MAMLD1: variants seen among roughly 807,000 people sequenced by gnomAD.
The protein encoded by MAMLD1 is mastermind-like domain-containing protein 1.
In MAMLD1, 14 loss-of-function variants were observed where a neutral mutation model predicts 45.0. That is an observed-to-expected ratio of 0.31 (90% CI 0.21 to 0.49). The LOEUF is 0.49. MAMLD1 is among the 20% of genes least tolerant of loss of function. The pLI is 0.99. For missense variants in MAMLD1, 543 were observed against 603.6 expected, an observed-to-expected ratio of 0.90 and a Z score of 1.05; for synonymous variants, 254 against 247.8, an observed-to-expected ratio of 1.02 and a Z score of -0.24.
In MAMLD1 at chrX:150,469,635, G is replaced by GTC. The variant is rs781945210; in HGVS notation, c.172-90_172-89dup. On this transcript the variant is annotated intron_variant, in intron 3 of 7. Transcript: ENST00000370401. The stretch of plus-strand genomic sequence containing the variant: ...TCTCTCTCTCTCTCTCTTTCTCTCT[G>GTC]TCTCTCTCTCTCTCTCTCTCTGTGT... 5.2e-3 allele frequency: 1,888 copies of GTC among 360,870 alleles called. 5 individuals are homozygous for GTC. The highest frequency in any genetic ancestry group is 6.9e-3 in the Middle Eastern group (9 of 1,302). 29.7% of individuals were successfully genotyped at this position (360,870 alleles called of 1,213,427 possible). A position where few individuals can be genotyped will look rare whatever the true frequency, so the allele number is the denominator to read the frequency against.
At position 150,371,697 on chromosome X, in the gene MAMLD1, G is replaced by C. The variant is rs149452604; in HGVS notation, c.-64+8167G>C. 7.9e-4 allele frequency among the ~76,000 whole-genome samples: 89 copies of C among 112,130 alleles called. 6 individuals are homozygous for C. The East Asian group carries it at 0.023, about 29-fold the overall frequency. ...TGCATTTCTATTTTTTCCTGCATTT[G>C]AATCCGAAATTCCACTCTCAGCTTC... On this transcript the variant is annotated intron_variant, in intron 1 of 7. Coordinates refer to ENST00000370401, the MANE Select transcript of MAMLD1 (RefSeq NM_005491.5).
Position 150,512,415 on chromosome X carries a change from C to T in MAMLD1, c.*456C>T. 1 of 1,154,017 alleles carries T rather than the reference C, an allele frequency of 8.7e-7. No individual in the cohort carries two copies. Among genetic ancestry groups the T allele is most frequent in the South Asian group, 1.9e-5 (1 of 52,443 alleles). ...ATGCCCACTGCGTTCAACAATGCTG[C>T]ATGGGTCACAGCGGCAGCAGCTGTG... On this transcript the variant is annotated 3_prime_UTR_variant, in exon 8 of 8. Transcript: ENST00000370401.
intron 2 of MAMLD1, 27 bp downstream of exon 2, chrX:150,445,639 G>C (rs2035462965): frequency 9.3e-7 from 1 of 1,077,783 alleles, no homozygotes; most frequent in Non-Finnish European, 1.3e-6. Context: ...TGGGGGGAGG[G>C]GGGTATTTAA....
At position 150,374,775 on chromosome X, in the gene MAMLD1, T is replaced by C. The variant is rs147375673; in HGVS notation, c.-64+11245T>C. Among the ~76,000 whole-genome samples, 536 of 111,713 alleles carry C rather than the reference T, an allele frequency of 4.8e-3. 1 individual carries two copies. Among genetic ancestry groups the C allele is most frequent in the Middle Eastern group, 9.2e-3 (2 of 217 alleles). On this transcript the variant is annotated intron_variant, in intron 1 of 7. Coordinates refer to ENST00000370401, the MANE Select transcript of MAMLD1 (RefSeq NM_005491.5). The stretch of plus-strand genomic sequence containing the variant: ...TCCAGTGCCTTGAGGAGGTTCCACA[T>C]TTGCCTGCTGCAGAAGTGAGAAAAT...
intron 3 of MAMLD1, among the ~76,000 whole-genome samples, chrX:150,467,764 C>T (rs2036269916): frequency 8.9e-6 from 1 of 111,947 alleles, no homozygotes; most frequent in Admixed American, 9.4e-5. Flanking sequence ...CCTTGTTGCC[C>T]TCTGGCTGAG....
intron 1 of MAMLD1, among the ~76,000 whole-genome samples, chrX:150,366,768 C>G (rs2031489279): frequency 9.0e-6 from 1 of 111,259 alleles, no homozygotes; most frequent in African/African-American, 3.3e-5. Flanking sequence ...TCTCCCGGTG[C>G]CTGCCTGCGA....
chrX:150,403,122 C>T (rs1329075056), intron 1 of MAMLD1, among the ~76,000 whole-genome samples: 2 of 111,173 alleles, frequency 1.8e-5, no homozygotes, highest in Non-Finnish European at 3.8e-5. Flanking sequence ...GATTCAGCCC[C>T]CAAAGGAAAT....
chrX:150,416,848 A>C (rs888979102), intron 1 of MAMLD1, among the ~76,000 whole-genome samples: 22 of 112,184 alleles, frequency 2.0e-4, no homozygotes, highest in Non-Finnish European at 3.6e-4. Flanking sequence ...CATTTTCTTC[A>C]CATGAGATGG....
At chrX:150,409,042 G>A (rs936233128) in intron 1 of MAMLD1, among the ~76,000 whole-genome samples, 2 of 111,682 alleles carry the variant, frequency 1.8e-5, no homozygotes, top group South Asian at 3.8e-4. Flanking sequence ...CCTCTTCTGC[G>A]GGGCTGCTAT....
chrX:150,391,291 A>G (rs2033166943), intron 1 of MAMLD1, among the ~76,000 whole-genome samples: 2 of 111,760 alleles, frequency 1.8e-5, no homozygotes, highest in Admixed American at 9.5e-5. Flanking sequence ...TGGGTTTCCA[A>G]TGATAGAAAC....
intron 1 of MAMLD1, among the ~76,000 whole-genome samples, chrX:150,394,930 T>A (rs944331180): frequency 8.9e-6 from 1 of 111,840 alleles, no homozygotes; most frequent in Non-Finnish European, 1.9e-5. Context: ...TTTTGTTTCC[T>A]TTTTTTGTCT....
At chrX:150,426,329 T>C (rs1460364149) in intron 1 of MAMLD1, among the ~76,000 whole-genome samples, 2 of 112,431 alleles carry the variant, frequency 1.8e-5, no homozygotes, top group Admixed American at 1.9e-4. Context: ...AGTCTATTGC[T>C]GGTGCAGCAT....
At chrX:150,368,338 G>T (rs1192029848) in intron 1 of MAMLD1, among the ~76,000 whole-genome samples, 1 of 111,306 alleles carries the variant, frequency 9.0e-6, no homozygotes, top group African/African-American at 3.3e-5. Flanking sequence ...TCATGTGTCT[G>T]CTGGCTGCGT....
At position 150,513,168 on chromosome X, in the gene MAMLD1, G is replaced by C; in HGVS notation, c.*1209G>C. 3.9e-6 allele frequency: 3 copies of C among 772,993 alleles called. No individual in the cohort carries two copies. The highest frequency in any genetic ancestry group is 5.5e-6 in the Non-Finnish European group (3 of 549,842). The allele number at this position is 772,993 out of a possible 1,213,427, so 63.7% of individuals were successfully genotyped here. ...GCAGTTGTCTCCCGTTACAATTTGA[G>C]TGGTGTTGTCAGCCCATGCTTATCC... On this transcript the variant is annotated 3_prime_UTR_variant, in exon 8 of 8. Transcript: ENST00000370401.
At chrX:150,377,538 G>T (rs1326880119) in intron 1 of MAMLD1, among the ~76,000 whole-genome samples, 1 of 111,381 alleles carries the variant, frequency 9.0e-6, no homozygotes, top group Non-Finnish European at 1.9e-5. Context: ...TACCCACTGT[G>T]CCTGGAGACT....
In MAMLD1 at chrX:150,455,599, G is replaced by A. The variant is rs782679635; in HGVS notation, c.97-7173G>A. On this transcript the variant is annotated intron_variant, in intron 2 of 7. Coordinates refer to ENST00000370401, the MANE Select transcript of MAMLD1 (RefSeq NM_005491.5). ...ACGAAGGCTTTACTTTCCCCATTTT[G>A]TAGGTAAGAAAACAGGCTCACAGAG... Among the ~76,000 whole-genome samples, 5 of 111,432 alleles carry A rather than the reference G, an allele frequency of 4.5e-5. No individual in the cohort carries two copies. The South Asian group carries it at 1.9e-3, about 42-fold the overall frequency.
chrX:150,412,217 A>G (rs1400651895), intron 1 of MAMLD1, among the ~76,000 whole-genome samples: 1 of 111,255 alleles, frequency 9.0e-6, no homozygotes, highest in Non-Finnish European at 1.9e-5. Flanking sequence ...CATCAAAACA[A>G]TTAGGAGTGT....
intron 1 of MAMLD1, among the ~76,000 whole-genome samples, chrX:150,414,753 G>C (rs1004942993): frequency 9.0e-6 from 1 of 111,723 alleles, no homozygotes; most frequent in Admixed American, 9.5e-5. Flanking sequence ...AAAAACTAGG[G>C]ACTGTTAATT....
chrX:150,491,867 C>T (rs1032832140), intron 5 of MAMLD1, among the ~76,000 whole-genome samples: 2 of 112,185 alleles, frequency 1.8e-5, no homozygotes, highest in Non-Finnish European at 3.8e-5. Context: ...CGTCTCAGAC[C>T]TGGGCATCCC....
Sources: gnomAD v4.1 joint callset for allele counts (sites outside exome capture counted in the v4.1 genomes callset) on GRCh38, gnomAD v4.1.1 for gene constraint, MANE v1.5 for transcripts, NCBI Gene and HGNC (gene_info 2026-07-23, HGNC 2026-07-21) for gene names.